UTP18: variants seen among roughly 807,000 people sequenced by gnomAD.
The protein encoded by UTP18 is UTP18 small subunit processome component, also known as U3 small nucleolar RNA-associated protein 18 homolog.
A neutral mutation model predicts 61.1 loss-of-function variants in UTP18; 36 were observed. That is an observed-to-expected ratio of 0.59 (90% CI 0.45 to 0.78). UTP18 has a LOEUF of 0.78. Ranked by LOEUF, UTP18 falls within the 30% of genes least tolerant of loss-of-function variation. UTP18 has a pLI of 0.00. For synonymous variants in UTP18, 282 were observed against 251.1 expected (o/e 1.12, Z -1.16); for missense variants, 753 against 693.9 (o/e 1.09, Z -0.96).
chr17:51,292,928 T>C (rs1008853338), intron 11 of UTP18, among the ~76,000 whole-genome samples: 3 of 152,226 alleles, frequency 2.0e-5, no homozygotes, highest in Non-Finnish European at 4.4e-5. Flanking sequence ...CGAGGAGAAA[T>C]TGTAAAAGGC....
At chr17:51,274,986 T>C (rs935821612) in intron 5 of UTP18, among the ~76,000 whole-genome samples, 22 of 151,032 alleles carry the variant, frequency 1.5e-4, no homozygotes, top group African/African-American at 4.9e-4. Flanking sequence ...TCACCTGAGG[T>C]TGGGAGTTTG....
intron 11 of UTP18, among the ~76,000 whole-genome samples, chr17:51,293,614 C>T (rs538899566): frequency 6.6e-6 from 1 of 152,158 alleles, no homozygotes; most frequent in East Asian, 1.9e-4. Context: ...ATTGGACACC[C>T]CTGTCCACCA....
At chr17:51,284,299 G>A (rs1905039270) in intron 9 of UTP18, among the ~76,000 whole-genome samples, 1 of 152,154 alleles carries the variant, frequency 6.6e-6, no homozygotes, top group Middle Eastern at 3.2e-3. Flanking sequence ...AAAGGAAGAC[G>A]TAAAATAGTG....
intron 2 of UTP18, among the ~76,000 whole-genome samples, chr17:51,264,335 T>C (rs1293221392): frequency 6.6e-6 from 1 of 152,194 alleles, no homozygotes; most frequent in African/African-American, 2.4e-5. Context: ...CGTGAACTGC[T>C]GTGCCCAGCC....
chr17:51,296,230 TCA>T (rs1905365908), intron 12 of UTP18: 1 of 152,182 alleles, frequency 6.6e-6, no homozygotes, highest in African/African-American at 2.4e-5. Flanking sequence ...GTGATGTAAA[TCA>T]CAGCCCTCTT....
At chr17:51,264,617 G>T (rs1181861698) in intron 2 of UTP18, among the ~76,000 whole-genome samples, 1 of 149,728 alleles carries the variant, frequency 6.7e-6, no homozygotes, top group African/African-American at 2.5e-5. Flanking sequence ...TCCAGACTCT[G>T]TCAGTTTGGT....
chr17:51,268,735 AC>A, intron 3 of UTP18, 101 bp from the exon 4 acceptor site: 1 of 888,422 alleles, frequency 1.1e-6, no homozygotes, highest in Non-Finnish European at 1.8e-6. Flanking sequence ...GAGAGTCCAT[AC>A]GTATTCTCAA....
chr17:51,276,592 C>G (rs928274548), intron 6 of UTP18, among the ~76,000 whole-genome samples: 1 of 152,134 alleles, frequency 6.6e-6, no homozygotes, highest in African/African-American at 2.4e-5. Context: ...TCTTGGGTTG[C>G]AACAATAAAC....
At chr17:51,265,562 C>CTTTTTTTTTTTTT (rs10695281) in intron 2 of UTP18, among the ~76,000 whole-genome samples, 4 of 85,560 alleles carry the variant, frequency 4.7e-5, no homozygotes, top group African/African-American at 2.0e-4. Flanking sequence ...CGTGCCCGGC[C>CTTTTTTTTTTTTT]TTTTTTTTTT....
intron 11 of UTP18, among the ~76,000 whole-genome samples, chr17:51,293,087 T>A (rs944478877): frequency 6.6e-6 from 1 of 152,246 alleles, no homozygotes; most frequent in Admixed American, 6.5e-5. Flanking sequence ...ACTAACCAGA[T>A]GAACCTTCAT....
Position 51,277,227 on chromosome 17 carries a change from C to T in UTP18, c.935C>T (p.Ala312Val). ...AGTGCTAATGGGGAAGAAGTTTTAG[C>T]CACGAGTACCCACAGCAAGGTTCTT... is the stretch of plus-strand genomic sequence containing the variant. ...CFSANGEEVL[A>V]TSTHSKVLYV... The change falls in exon 7 of 14, where the codon GCC becomes GTC. Residue 312 changes from alanine to valine, a missense_variant. By Grantham distance (64) the Ala-to-Val change is moderately conservative. Transcript: ENST00000225298. 11 of 1,614,106 alleles carry T rather than the reference C, an allele frequency of 6.8e-6. No individual in the cohort carries two copies. Among genetic ancestry groups the T allele is most frequent in the Non-Finnish European group, 9.3e-6 (11 of 1,180,000 alleles).
chr17:51,279,970 A>G (rs1179623923), intron 7 of UTP18, 35 bp from the exon 8 acceptor site: 1 of 1,528,412 alleles, frequency 6.5e-7, no homozygotes, highest in South Asian at 1.2e-5. Flanking sequence ...AAAACTATAT[A>G]AAACTTTATT....
chr17:51,265,562 C>CCTT (rs2055552364), intron 2 of UTP18, among the ~76,000 whole-genome samples: 1 of 85,566 alleles, frequency 1.2e-5, no homozygotes, highest in African/African-American at 4.9e-5. Flanking sequence ...CGTGCCCGGC[C>CCTT]TTTTTTTTTT....
chr17:51,265,552 C>T (rs1272937806), intron 2 of UTP18, among the ~76,000 whole-genome samples: 23 of 143,758 alleles, frequency 1.6e-4, no homozygotes, highest in Admixed American at 8.0e-4. Flanking sequence ...CATGAGCCAC[C>T]GTGCCCGGCC....
At chr17:51,280,713 TGAGGTGAGA>T (rs1419521999) in intron 9 of UTP18, among the ~76,000 whole-genome samples, 1 of 152,070 alleles carries the variant, frequency 6.6e-6, no homozygotes. Context: ...CTTGAGAGGC[TGAGGTGAGA>T]GAATCTCTTG....
chr17:51,280,933 T>G (rs1224081907), intron 9 of UTP18, among the ~76,000 whole-genome samples: 1 of 151,438 alleles, frequency 6.6e-6, no homozygotes, highest in Non-Finnish European at 1.5e-5. Flanking sequence ...ATCCCAGCAC[T>G]TTGGGAGGCT....
intron 12 of UTP18, among the ~76,000 whole-genome samples, chr17:51,294,539 T>C (rs1373699454): frequency 6.6e-6 from 1 of 152,164 alleles, no homozygotes; most frequent in Non-Finnish European, 1.5e-5. Context: ...TCTTTATTTT[T>C]TATGGCTGCA....
At chr17:51,286,815 A>G (rs570744552) in intron 10 of UTP18, among the ~76,000 whole-genome samples, 2 of 152,044 alleles carry the variant, frequency 1.3e-5, no homozygotes, top group African/African-American at 2.4e-5. Flanking sequence ...TAAACTCATT[A>G]TAAGTAGTTT....
intron 5 of UTP18, among the ~76,000 whole-genome samples, chr17:51,274,388 T>C (rs962426812): frequency 6.6e-6 from 1 of 152,218 alleles, no homozygotes; most frequent in Non-Finnish European, 1.5e-5. Context: ...GGCAGTACTT[T>C]AGTTAAATAT....
Sources: allele counts gnomAD v4.1 joint callset (sites outside exome capture counted in the v4.1 genomes callset), GRCh38; gene constraint gnomAD v4.1.1; transcripts MANE v1.5; gene names NCBI Gene and HGNC (gene_info 2026-07-23, HGNC 2026-07-21).